TTC28: variants seen among roughly 807,000 people sequenced by gnomAD.
TTC28 encodes tetratricopeptide repeat domain 28.
Under a neutral mutation model 198.0 loss-of-function variants are expected in TTC28, and 61 were observed. The observed-to-expected ratio is 0.31, with a 90% confidence interval of 0.25 to 0.38. The LOEUF (loss-of-function observed/expected upper bound fraction) is 0.38. Ranked by LOEUF, TTC28 falls within the 10% of genes least tolerant of loss-of-function variation. The probability of loss-of-function intolerance (pLI) is 1.00; values close to 1 mark genes in which losing one functional copy is unlikely to be tolerated. For missense variants in TTC28, 2,678 were observed against 3,164.0 expected (o/e 0.85, Z 3.69); for synonymous variants, 1,171 against 1,297.8 (o/e 0.90, Z 2.10).
chr22:28,265,794 G>A (rs1215525763), intron 5 of TTC28, among the ~76,000 whole-genome samples: 1 of 152,070 alleles, frequency 6.6e-6, no homozygotes, highest in Non-Finnish European at 1.5e-5. Flanking sequence ...AACAGAAAAT[G>A]GCCTTTAGAA....
At chr22:28,013,851 G>A (rs568650606) in intron 14 of TTC28, among the ~76,000 whole-genome samples, 2 of 152,140 alleles carry the variant, frequency 1.3e-5, no homozygotes, top group South Asian at 2.1e-4. Context: ...ACTGATGCAC[G>A]GCCCCTACTG....
chr22:28,385,473 T>C (rs1250062765), intron 2 of TTC28, among the ~76,000 whole-genome samples: 1 of 151,768 alleles, frequency 6.6e-6, no homozygotes, highest in Non-Finnish European at 1.5e-5. Flanking sequence ...TTTTTAGTTT[T>C]AGGTTCACAG....
chr22:28,548,497 A>G (rs147586340), intron 2 of TTC28, among the ~76,000 whole-genome samples: 1 of 152,294 alleles, frequency 6.6e-6, no homozygotes, highest in East Asian at 1.9e-4. Context: ...ATAAAGCTCA[A>G]AGTCACACTG....
At chr22:28,019,253 T>A (rs1030702975) in intron 13 of TTC28, among the ~76,000 whole-genome samples, 29 of 152,320 alleles carry the variant, frequency 1.9e-4, no homozygotes, top group South Asian at 1.0e-3. Context: ...CTAGGGTTTT[T>A]AAAAAATTTT....
intron 13 of TTC28, among the ~76,000 whole-genome samples, chr22:28,027,357 C>G (rs1458401213): frequency 6.6e-6 from 1 of 152,214 alleles, no homozygotes; most frequent in Non-Finnish European, 1.5e-5. Flanking sequence ...CATGTGTTTT[C>G]TGCCAATAGG....
intron 1 of TTC28, among the ~76,000 whole-genome samples, chr22:28,640,803 T>C (rs181328072): frequency 1.3e-3 from 203 of 152,230 alleles, no homozygotes; most frequent in Non-Finnish European, 2.5e-3. Context: ...GTGGAAATAG[T>C]ACGGCAGGTC....
At chr22:28,093,728 C>A (rs1386312947) in intron 12 of TTC28, among the ~76,000 whole-genome samples, 1 of 152,242 alleles carries the variant, frequency 6.6e-6, no homozygotes, top group East Asian at 1.9e-4. Context: ...TACAAACAAA[C>A]TCATTATAAT....
intron 1 of TTC28, among the ~76,000 whole-genome samples, chr22:28,650,136 T>C (rs1366126204): frequency 1.3e-5 from 2 of 152,068 alleles, no homozygotes; most frequent in African/African-American, 4.8e-5. Context: ...AGTAAGATAT[T>C]ACAACTAGTT....
In TTC28 at chr22:28,295,039, G is replaced by A. The variant is rs1483430112; in HGVS notation, c.933+1159C>T. Among the ~76,000 whole-genome samples the A allele has an allele frequency of 3.3e-5, 5 of 152,198 alleles. No homozygotes were observed. The East Asian group carries it at 9.7e-4, about 29-fold the overall frequency. On this transcript the variant is annotated intron_variant, in intron 5 of 22. Coordinates refer to ENST00000397906, the MANE Select transcript of TTC28 (RefSeq NM_001145418.2). The stretch of plus-strand genomic sequence containing the variant: ...TGAACATCAAGAAATCAGATCATCT[G>A]GCTTATAAGAATTGTTTGTAATGTT...
chr22:28,037,691 T>C (rs1939422474), intron 12 of TTC28, among the ~76,000 whole-genome samples: 2 of 152,074 alleles, frequency 1.3e-5, no homozygotes, highest in Non-Finnish European at 1.5e-5. Context: ...GAGAAGGAAA[T>C]AAAGGGCATT....
chr22:28,324,115 G>C (rs2045488509), intron 2 of TTC28, among the ~76,000 whole-genome samples: 1 of 152,098 alleles, frequency 6.6e-6, no homozygotes, highest in South Asian at 2.1e-4. Flanking sequence ...GAAATGCTAA[G>C]GGAGTTCTTC....
intron 13 of TTC28, 59 bp downstream of exon 13, chr22:28,030,167 T>C (rs1939014672): frequency 6.5e-7 from 1 of 1,537,224 alleles, no homozygotes; most frequent in Non-Finnish European, 8.8e-7. Context: ...GAAAGCATAT[T>C]ATCTGTGCTC....
At chr22:28,008,189 T>A (rs955396616) in intron 14 of TTC28, 1 of 152,210 alleles carries the variant, frequency 6.6e-6, no homozygotes, top group Non-Finnish European at 1.5e-5. Flanking sequence ...TGCTACCTGA[T>A]TTTGCAAGGG....
chr22:28,127,428 CT>C (rs762321285), intron 6 of TTC28, among the ~76,000 whole-genome samples: 2 of 152,126 alleles, frequency 1.3e-5, no homozygotes, highest in East Asian at 3.9e-4. Context: ...TCCCCTAATC[CT>C]TGCTCCCCTC....
chr22:28,080,843 A>AT (rs913301584), intron 12 of TTC28, among the ~76,000 whole-genome samples: 12 of 152,150 alleles, frequency 7.9e-5, no homozygotes, highest in African/African-American at 2.9e-4. Context: ...TCTCTAATCC[A>AT]TTTTGAGTCA....
chr22:28,340,100 G>A (rs1329457831), intron 2 of TTC28, among the ~76,000 whole-genome samples: 3 of 152,078 alleles, frequency 2.0e-5, no homozygotes, highest in Non-Finnish European at 4.4e-5. Context: ...CATTTAGACT[G>A]TTCTCCCTGA....
At chr22:28,050,717 T>C (rs766357005) in intron 12 of TTC28, among the ~76,000 whole-genome samples, 8 of 152,004 alleles carry the variant, frequency 5.3e-5, no homozygotes, top group Admixed American at 1.3e-4. Flanking sequence ...CTTTAACAAA[T>C]GAAAAAGAGA....
chr22:27,996,377 A>C, intron 16 of TTC28, 118 bp from the exon 17 acceptor site: 1 of 1,431,706 alleles, frequency 7.0e-7, no homozygotes, highest in Non-Finnish European at 9.3e-7. Flanking sequence ...AGGGCCTGGC[A>C]GGGGAGCAGC....
chr22:28,614,776 CT>C (rs1481185220), intron 2 of TTC28, among the ~76,000 whole-genome samples: 1 of 152,154 alleles, frequency 6.6e-6, no homozygotes, highest in African/African-American at 2.4e-5. Context: ...TTCCTTACAC[CT>C]TATACAAAAA....
Sources: gnomAD v4.1 joint callset for allele counts (sites outside exome capture counted in the v4.1 genomes callset) on GRCh38, gnomAD v4.1.1 for gene constraint, MANE v1.5 for transcripts, NCBI Gene and HGNC (gene_info 2026-07-23, HGNC 2026-07-21) for gene names.